C17orf113: variants seen among roughly 807,000 people sequenced by gnomAD.
C17orf113 encodes the protein chromosome 17 open reading frame 113.
In C17orf113, 5 loss-of-function variants were observed where a neutral mutation model predicts 11.6. That is an observed-to-expected ratio of 0.43 (90% CI 0.23 to 0.91). The LOEUF (loss-of-function observed/expected upper bound fraction) is 0.91. Ranked by LOEUF, C17orf113 falls within the 40% of genes least tolerant of loss-of-function variation. The pLI is 0.26. For missense variants in C17orf113, 714 were observed against 841.3 expected (o/e 0.85, Z 1.87); for synonymous variants, 327 against 390.6 (o/e 0.84, Z 1.92).
In C17orf113 at chr17:42,040,866, G is replaced by A; in HGVS notation, c.867C>T (p.Cys289=). 8.1e-7 allele frequency: 1 copy of A among 1,232,322 alleles called. No homozygotes were observed. The highest frequency in any genetic ancestry group is 1.0e-6 in the Non-Finnish European group (1 of 988,064). 76.3% of individuals were successfully genotyped at this position (1,232,322 alleles called of 1,614,324 possible). The change falls in exon 3 of 3, where the codon TGC becomes TGT. Residue 289 remains cysteine, a synonymous_variant. Coordinates refer to ENST00000587304, the MANE Select transcript of C17orf113 (RefSeq NM_001358661.2). ...GSVGPQLRAT[C]PLLAELHCLP... ...GACAATGCAGCTCTGCCAGCAGTGG[G>A]CAAGTGGCCCGGAGCTGTGGGCCCA...
intron 1 of C17orf113, among the ~76,000 whole-genome samples, chr17:42,048,507 T>C (rs2053216955): frequency 6.6e-6 from 1 of 152,092 alleles, no homozygotes; most frequent in South Asian, 2.1e-4. Context: ...CACATCACTG[T>C]ACTCCAGCCA....
intron 1 of C17orf113, among the ~76,000 whole-genome samples, chr17:42,045,334 C>T (rs1419534284): frequency 1.3e-5 from 2 of 151,910 alleles, no homozygotes; most frequent in East Asian, 3.9e-4. Flanking sequence ...TACAGGCGTG[C>T]GCCACCGCGC....
chr17:42,040,006 G>A lies in C17orf113; in HGVS notation c.1727C>T (p.Pro576Leu), dbSNP rs571041618. ...CGCCAGCTGGGTGCACAGGGCCCGC[G>A]GGCCGAGCCGCCCAAGGCCGAATAC... Reference protein sequence around the residue: ...RVVFGLGRLGPRALCTQLACA... With the variant: ...RVVFGLGRLGLRALCTQLACA... Residue 576 changes from proline (P) to leucine (L), a missense_variant, in exon 3 of 3, where the codon CCG (proline) becomes CTG (leucine). This residue lies in a region of C17orf113 where 194 missense variants were observed against 197.2 expected (regional missense o/e 0.98). Transcript: ENST00000587304. 1.2e-5 allele frequency: 15 copies of A among 1,231,018 alleles called. No individual in the cohort carries two copies. The East Asian group carries it at 1.6e-4, about 13-fold the overall frequency. The allele number at this position is 1,231,018 out of a possible 1,614,324, so 76.3% of individuals were successfully genotyped here. A position where few individuals can be genotyped will look rare whatever the true frequency, so the allele number is the denominator to read the frequency against.
chr17:42,039,657 C>G lies in C17orf113; in HGVS notation c.*48G>C. 8.1e-7 allele frequency: 1 copy of G among 1,227,822 alleles called. No homozygotes were observed. The highest frequency in any genetic ancestry group is 4.1e-5 in the South Asian group (1 of 24,236). 76.1% of individuals were successfully genotyped at this position (1,227,822 alleles called of 1,614,324 possible). On this transcript the variant is annotated 3_prime_UTR_variant, in exon 3 of 3. Coordinates refer to ENST00000587304, the MANE Select transcript of C17orf113 (RefSeq NM_001358661.2). ...ATGGTCAAGTCTAGGTTGGCCCTTA[C>G]AGTGCCCAGGGCCCCAGGCTGGATG...
In C17orf113 at chr17:42,040,974, C is replaced by T. The variant is rs1369781779; in HGVS notation, c.759G>A (p.Leu253=). 4.9e-6 allele frequency: 6 copies of T among 1,232,286 alleles called. No individual in the cohort carries two copies. The East Asian group carries it at 1.3e-4, about 26-fold the overall frequency. 76.3% of individuals were successfully genotyped at this position (1,232,286 alleles called of 1,614,324 possible). The change falls in exon 3 of 3, where the codon TTG becomes TTA. Residue 253 remains leucine, a synonymous_variant. Coordinates refer to ENST00000587304, the MANE Select transcript of C17orf113 (RefSeq NM_001358661.2). ...QEGEATAGQL[L]DILQAFGVSA... ...ATACGCCGAAAGCCTGCAGGATGTC[C>T]AAGAGCTGGCCAGCAGTGGCCTCGC...
chr17:42,048,584 A>G (rs1397437676), intron 1 of C17orf113, among the ~76,000 whole-genome samples: 4 of 152,024 alleles, frequency 2.6e-5, no homozygotes, highest in Non-Finnish European at 5.9e-5. Flanking sequence ...CCCTCTCCCA[A>G]TCATCCCTGT....
chr17:42,042,021 TC>T (rs1321551813), intron 2 of C17orf113, among the ~76,000 whole-genome samples: 2 of 152,170 alleles, frequency 1.3e-5, no homozygotes, highest in African/African-American at 4.8e-5. Context: ...TGAAACACAT[TC>T]GAGTTTTTCA....
At chr17:42,042,776 G>C (rs1344204925) in intron 2 of C17orf113, 58 bp downstream of exon 2, 65 of 1,202,778 alleles carry the variant, frequency 5.4e-5, no homozygotes, top group Non-Finnish European at 6.4e-5. Flanking sequence ...GCTGTTCCCA[G>C]GTGGCTCAGT....
At chr17:42,044,012 C>A (rs71373483) in intron 1 of C17orf113, among the ~76,000 whole-genome samples, 1 of 151,782 alleles carries the variant, frequency 6.6e-6, no homozygotes, top group Non-Finnish European at 1.5e-5. Context: ...CCACAGTCAT[C>A]TATTTCATCA....
At chr17:42,044,918 C>CT (rs71157603) in intron 1 of C17orf113, among the ~76,000 whole-genome samples, 108,045 of 132,520 alleles carry the variant, frequency 0.82, 45,816 homozygotes, top group Non-Finnish European at 0.93. Context: ...CCAACTCTAC[C>CT]TTTTTTTTTT....
At position 42,050,589 on chromosome 17, in the gene C17orf113, A is replaced by G. The variant is rs1217753022; in HGVS notation, c.-220T>C. The G allele has an allele frequency of 6.6e-6, 1 of 151,884 alleles. No individual in the cohort carries two copies. The highest frequency in any genetic ancestry group is 1.5e-5 in the Non-Finnish European group (1 of 67,926). 9.4% of individuals were successfully genotyped at this position (151,884 alleles called of 1,614,324 possible). A position where few individuals can be genotyped will look rare whatever the true frequency, so the allele number is the denominator to read the frequency against. On this transcript the variant is annotated 5_prime_UTR_variant, in exon 1 of 3. Transcript: ENST00000587304. This position sits in a 1 kb window ranked among gnomAD's most constrained non-coding sequence, Gnocchi z 5.6. ...CAGGAGCCACCATCTTGGGCGGTGG[A>G]CGCTCTGGCCGCGGTCTCCTTGGGC...
At position 42,039,076 on chromosome 17, in the gene C17orf113, C is replaced by T. The variant is rs1005788902; in HGVS notation, c.*629G>A. The T allele has an allele frequency of 6.6e-6, 1 of 152,118 alleles. No individual in the cohort carries two copies. Among genetic ancestry groups the T allele is most frequent in the Non-Finnish European group, 1.5e-5 (1 of 68,060 alleles). 9.4% of individuals were successfully genotyped at this position (152,118 alleles called of 1,614,324 possible). A position where few individuals can be genotyped will look rare whatever the true frequency, so the allele number is the denominator to read the frequency against. ...GACCAGCCTGGCCAACATGGTGAAA[C>T]CCTGTCTCTACTAAAAATACATAAG... is the stretch of plus-strand genomic sequence containing the variant. On this transcript the variant is annotated 3_prime_UTR_variant, in exon 3 of 3. Coordinates refer to ENST00000587304, the MANE Select transcript of C17orf113 (RefSeq NM_001358661.2).
intron 2 of C17orf113, 55 bp downstream of exon 2, chr17:42,042,779 G>A (rs1280694363): frequency 8.3e-7 from 1 of 1,205,920 alleles, no homozygotes; most frequent in East Asian, 3.2e-5. Flanking sequence ...GTTCCCAGGT[G>A]GCTCAGTGTC....
rs2053067326 is a variant in C17orf113 at position 42,043,159 on chromosome 17, C to T, written c.218G>A (p.Arg73His). ...GGTCACGTGGCGCAGCAGGGCGTGG[C>T]GCTGGAAGTTGTCTGTGCCCACAGT... ...AFTVGTDNFQ[R>H]HALLRHVTSG... The change falls in exon 2 of 3, where the codon CGC becomes CAC. Residue 73 changes from arginine to histidine, a missense_variant. Transcript: ENST00000587304. 13 of 1,232,068 alleles carry T rather than the reference C, an allele frequency of 1.1e-5. No homozygotes were observed. The highest frequency in any genetic ancestry group is 8.2e-5 in the South Asian group (2 of 24,330). The allele number at this position is 1,232,068 out of a possible 1,614,324, so 76.3% of individuals were successfully genotyped here. A position where few individuals can be genotyped will look rare whatever the true frequency, so the allele number is the denominator to read the frequency against.
In C17orf113 at chr17:42,039,792, G is replaced by A. The variant is rs1396198024; in HGVS notation, c.1941C>T (p.Pro647=). ...ACCCGAAGTCAAACTCGTGCAGCGG[G>A]GGCCCATCCACTGCGATCTTCACCA... The part of the protein sequence containing the change: ...GHMVKIAVDG[P]PLHEFDFGLA... The change falls in exon 3 of 3, where the codon CCC becomes CCT. Residue 647 remains proline, a synonymous_variant. Coordinates refer to ENST00000587304, the MANE Select transcript of C17orf113 (RefSeq NM_001358661.2). 8 of 1,232,088 alleles carry A rather than the reference G, an allele frequency of 6.5e-6. No individual in the cohort carries two copies. Among genetic ancestry groups the A allele is most frequent in the East Asian group, 3.2e-5 (1 of 31,694 alleles). 76.3% of individuals were successfully genotyped at this position (1,232,088 alleles called of 1,614,324 possible).
Position 42,039,991 on chromosome 17 carries a change from G to C in C17orf113, c.1742C>G (p.Thr581Ser), listed in dbSNP as rs1352310376. The change falls in exon 3 of 3, where the codon ACC becomes AGC. Residue 581 changes from threonine (T) to serine (S), a missense_variant. Transcript: ENST00000587304. The stretch of plus-strand genomic sequence containing the variant: ...CTCCGAGTGCGCGCACGCCAGCTGG[G>C]TGCACAGGGCCCGCGGGCCGAGCCG... Reference protein sequence around the residue: ...LGRLGPRALCTQLACAHSELH... With the variant: ...LGRLGPRALCSQLACAHSELH... 1.6e-6 allele frequency: 2 copies of C among 1,230,972 alleles called. No individual in the cohort carries two copies. Among genetic ancestry groups the C allele is most frequent in the African/African-American group, 3.1e-5 (2 of 64,380 alleles). 76.3% of individuals were successfully genotyped at this position (1,230,972 alleles called of 1,614,324 possible).
chr17:42,048,030 C>T (rs183763432), intron 1 of C17orf113, among the ~76,000 whole-genome samples: 13 of 152,168 alleles, frequency 8.5e-5, no homozygotes, highest in African/African-American at 2.9e-4. Context: ...CTTCTAGGAT[C>T]CCATGTTCCT....
Position 42,040,244 on chromosome 17 carries a change from A to T in C17orf113, c.1489T>A (p.Ser497Thr), listed in dbSNP as rs2052983062. ...GAGTCCTGTAGGCCCTTCCGCATGGAGTCCAGGAAGGATCCCCGGAGCCAC... is the reference window on the plus strand; with the variant it reads ...GAGTCCTGTAGGCCCTTCCGCATGGTGTCCAGGAAGGATCCCCGGAGCCAC... The part of the protein sequence containing the change: ...LEWLRGSFLD[S>T]MRKGLQDSYP... The change falls in exon 3 of 3, where the codon TCC becomes ACC. Residue 497 changes from serine (S) to threonine (T), a missense_variant. By Grantham distance (58) the Ser-to-Thr change is moderately conservative (BLOSUM62 1). Coordinates refer to ENST00000587304, the MANE Select transcript of C17orf113 (RefSeq NM_001358661.2). 2 of 1,231,432 alleles carry T rather than the reference A, an allele frequency of 1.6e-6. No homozygotes were observed. Among genetic ancestry groups the T allele is most frequent in the Admixed American group, 8.4e-5 (2 of 23,684 alleles). The allele number at this position is 1,231,432 out of a possible 1,614,324, so 76.3% of individuals were successfully genotyped here.
At position 42,039,409 on chromosome 17, in the gene C17orf113, G is replaced by T. The variant is rs1555655812; in HGVS notation, c.*296C>A. The T allele has an allele frequency of 3.2e-6, 1 of 313,002 alleles. No homozygotes were observed. The highest frequency in any genetic ancestry group is 5.8e-6 in the Non-Finnish European group (1 of 172,198). 19.4% of individuals were successfully genotyped at this position (313,002 alleles called of 1,614,324 possible). ...ACCCAAACTTGCCCCGAGTCCAGAA[G>T]GGAAAAGGGTGAGCTACTCCTCATC... is the stretch of plus-strand genomic sequence containing the variant. On this transcript the variant is annotated 3_prime_UTR_variant, in exon 3 of 3. Coordinates refer to ENST00000587304, the MANE Select transcript of C17orf113 (RefSeq NM_001358661.2).
Sources: allele counts gnomAD v4.1 joint callset (sites outside exome capture counted in the v4.1 genomes callset), GRCh38; gene constraint gnomAD v4.1.1; regional missense constraint gnomAD v4.1.1; non-coding constraint Gnocchi (gnomAD v3.1); transcripts MANE v1.5; gene names NCBI Gene and HGNC (gene_info 2026-07-23, HGNC 2026-07-21).